CC2D2A: variants seen among roughly 807,000 people sequenced by gnomAD.
The protein encoded by CC2D2A is coiled-coil and C2 domain-containing protein 2A.
CC2D2A carries 155 observed loss-of-function variants against 212.9 expected under a neutral mutation model. That is an observed-to-expected ratio of 0.73 (90% confidence interval 0.64 to 0.83). The LOEUF (loss-of-function observed/expected upper bound fraction) is 0.83, where lower values mean the gene tolerates loss of function less well. Among genes scored for constraint, CC2D2A ranks in the 40% least tolerant of loss-of-function variants. CC2D2A has a pLI of 0.00. For missense variants in CC2D2A, 1,856 were observed against 1,956.2 expected (o/e 0.95, Z 0.97); for synonymous variants, 667 against 686.5 (o/e 0.97, Z 0.44).
chr4:15,524,133 A>ATT (rs1199529442), intron 11 of CC2D2A, among the ~76,000 whole-genome samples: 1 of 152,058 alleles, frequency 6.6e-6, no homozygotes, highest in African/African-American at 2.4e-5. Context: ...TTTTCTGTAC[A>ATT]TTTTTGTTTG....
chr4:15,487,268 G>A (rs552178315), intron 4 of CC2D2A, among the ~76,000 whole-genome samples: 2 of 152,116 alleles, frequency 1.3e-5, no homozygotes, highest in Admixed American at 6.5e-5. Context: ...ATTAATGGGA[G>A]ACTTGTATTG....
At chr4:15,513,633 A>C (rs1716695055) in intron 8 of CC2D2A, among the ~76,000 whole-genome samples, 1 of 152,210 alleles carries the variant, frequency 6.6e-6, no homozygotes, top group Admixed American at 6.5e-5. Context: ...TTTTTGAACA[A>C]AGTTTTAGAT....
chr4:15,487,506 C>T (rs556407250), intron 4 of CC2D2A, among the ~76,000 whole-genome samples: 6 of 151,962 alleles, frequency 3.9e-5, no homozygotes, highest in African/African-American at 1.2e-4. Context: ...CTTTTTCTAC[C>T]CCTTTATTTT....
intron 11 of CC2D2A, among the ~76,000 whole-genome samples, chr4:15,524,191 T>C (rs1717366471): frequency 6.6e-6 from 1 of 152,172 alleles, no homozygotes; most frequent in South Asian, 2.1e-4. Context: ...TGGAGTGCAG[T>C]GGTGTAATCT....
At chr4:15,554,192 T>G (rs1719152156) in intron 19 of CC2D2A, among the ~76,000 whole-genome samples, 1 of 152,242 alleles carries the variant, frequency 6.6e-6, no homozygotes, top group Non-Finnish European at 1.5e-5. Flanking sequence ...TTCATTTCAC[T>G]TGCATTTAGT....
At chr4:15,559,127 G>A (rs35309200) in intron 21 of CC2D2A, 38 bp from the exon 22 acceptor site, 2 of 1,192,968 alleles carry the variant, frequency 1.7e-6, no homozygotes, top group African/African-American at 1.5e-5. Context: ...AAAAGCACCA[G>A]AGAGTGCTTT....
chr4:15,556,519 A>C (rs1263103197), intron 20 of CC2D2A, among the ~76,000 whole-genome samples: 4 of 152,140 alleles, frequency 2.6e-5, no homozygotes, highest in Non-Finnish European at 2.9e-5. Flanking sequence ...CTTTTTAACT[A>C]TATGTTTTCC....
At chr4:15,592,858 T>C (rs1484135812) in intron 33 of CC2D2A, among the ~76,000 whole-genome samples, 2 of 152,172 alleles carry the variant, frequency 1.3e-5, no homozygotes, top group Non-Finnish European at 2.9e-5. Context: ...ACTCAAATCA[T>C]TTTCCCCAAA....
intron 1 of CC2D2A, chr4:15,473,134 C>T (rs1316104838): frequency 1.3e-5 from 2 of 152,144 alleles, no homozygotes; most frequent in Non-Finnish European, 2.9e-5. Flanking sequence ...ATTCATTCGA[C>T]AAGTATATAT....
intron 33 of CC2D2A, among the ~76,000 whole-genome samples, chr4:15,590,898 G>C (rs552219887): frequency 1.3e-5 from 2 of 151,844 alleles, no homozygotes; most frequent in African/African-American, 4.8e-5. Flanking sequence ...CACCTTGCCT[G>C]GCTAATTTAG....
At chr4:15,489,186 T>C (rs1715167906) in intron 4 of CC2D2A, among the ~76,000 whole-genome samples, 1 of 152,186 alleles carries the variant, frequency 6.6e-6, no homozygotes, top group Non-Finnish European at 1.5e-5. Flanking sequence ...TCGAGTGAAA[T>C]ATGATGCAAA....
chr4:15,523,483 T>C (rs1717328184), intron 11 of CC2D2A, among the ~76,000 whole-genome samples: 1 of 152,198 alleles, frequency 6.6e-6, no homozygotes, highest in South Asian at 2.1e-4. Flanking sequence ...TTCCCATCAT[T>C]GTTCTCACCA....
Position 15,595,728 on chromosome 4 carries a change from C to T in CC2D2A, c.4315-357C>T, listed in dbSNP as rs144364879. The T allele has an allele frequency of 1.4e-4, 22 of 158,232 alleles. No individual in the cohort carries two copies. In the East Asian group the frequency reaches 3.7e-3, roughly 26 times the overall value. The allele number at this position is 158,232 out of a possible 1,614,324, so 9.8% of individuals were successfully genotyped here. A position where few individuals can be genotyped will look rare whatever the true frequency, so the allele number is the denominator to read the frequency against. ...CTGTGGATGCAGAGATGAATGGACA[C>T]TCAATTCAATTAGGAGGCTGGGAAG... On this transcript the variant is annotated intron_variant, in intron 33 of 36. Coordinates refer to ENST00000424120, the MANE Select transcript of CC2D2A (RefSeq NM_001378615.1).
At chr4:15,470,551 G>C (rs1036088319) in intron 1 of CC2D2A, among the ~76,000 whole-genome samples, 1 of 152,010 alleles carries the variant, frequency 6.6e-6, no homozygotes, top group Non-Finnish European at 1.5e-5. Flanking sequence ...TCATTGCAAA[G>C]AGGTGGTATG....
At position 15,555,140 on chromosome 4, in the gene CC2D2A, C is replaced by G; in HGVS notation, c.2555C>G (p.Ala852Gly). 4 of 1,613,786 alleles carry G rather than the reference C, an allele frequency of 2.5e-6. No homozygotes were observed. The highest frequency in any genetic ancestry group is 3.4e-6 in the Non-Finnish European group (4 of 1,179,812). ...GGACTGACAGACATGAAAAAATTGG[C>G]CAAGTGGGCAGCAGAGTCCAAGCTC... ...TSGLTDMKKL[A>G]KWAAESKLDP... is the part of the protein sequence containing the mutation. The change falls in exon 20 of 37, where the codon GCC becomes GGC. Residue 852 changes from alanine to glycine, a missense_variant. By Grantham distance (60) the Ala-to-Gly change is moderately conservative. This residue lies in a region of CC2D2A where 1,512 missense variants were observed against 1,579.3 expected (regional missense o/e 0.96). Transcript: ENST00000424120.
chr4:15,482,544 T>G (rs1280940585), intron 4 of CC2D2A, among the ~76,000 whole-genome samples: 2 of 152,050 alleles, frequency 1.3e-5, no homozygotes, highest in African/African-American at 4.8e-5. Flanking sequence ...AGGGAGAGGC[T>G]CTACTGTCTC....
Position 15,507,296 on chromosome 4 carries a change from T to C in CC2D2A, c.439-2843T>C, listed in dbSNP as rs572559381. On this transcript the variant is annotated intron_variant, in intron 6 of 36. Coordinates refer to ENST00000424120, the MANE Select transcript of CC2D2A (RefSeq NM_001378615.1). ...AAAATGAGAAAATGAAGGAGAAGTA[T>C]AGAATTCAACATAAAAGGAAACTGT... Among the ~76,000 whole-genome samples, 18 of 152,300 alleles carry C rather than the reference T, an allele frequency of 1.2e-4. No individual in the cohort carries two copies. In the South Asian group the frequency reaches 3.5e-3, roughly 30 times the overall value.
At chr4:15,480,650 A>G (rs1162684962) in intron 3 of CC2D2A, 54 bp from the exon 4 acceptor site, 9 of 1,565,694 alleles carry the variant, frequency 5.7e-6, no homozygotes, top group Non-Finnish European at 7.8e-6. Context: ...CAAGAGAGGA[A>G]CAGACTCAAA....
Position 15,589,745 on chromosome 4 carries a change from A to T in CC2D2A, c.4314+66A>T. 3 of 1,156,576 alleles carry T rather than the reference A, an allele frequency of 2.6e-6. No homozygotes were observed. In the South Asian group the frequency reaches 1.0e-4, roughly 38 times the overall value. The allele number at this position is 1,156,576 out of a possible 1,614,324, so 71.6% of individuals were successfully genotyped here. ...TTTCTTTTAAATAACTGACCTATTG[A>T]TTTAAATATTTTATGTAACCAAAAT... is the stretch of plus-strand genomic sequence containing the variant. On this transcript the variant is annotated intron_variant, in intron 33 of 36. Transcript: ENST00000424120.
Sources: allele counts gnomAD v4.1 joint callset (sites outside exome capture counted in the v4.1 genomes callset), GRCh38; gene constraint gnomAD v4.1.1; regional missense constraint gnomAD v4.1.1; transcripts MANE v1.5; gene names NCBI Gene and HGNC (gene_info 2026-07-23, HGNC 2026-07-21).